Variants in C2 observed in about 807,000 individuals in gnomAD.
The protein encoded by C2 is C3/C5 convertase.
In C2, 64 loss-of-function variants were observed where a neutral mutation model predicts 85.2. The ratio of observed to expected loss-of-function variants is 0.75; its 90% CI spans 0.61 to 0.92. The LOEUF (loss-of-function observed/expected upper bound fraction) is 0.92, where lower values mean the gene tolerates loss of function less well. Ranked by LOEUF, C2 falls within the 40% of genes least tolerant of loss-of-function variation. The pLI is 0.00. For missense variants in C2, 820 were observed against 971.6 expected (o/e 0.84, Z 2.07); for synonymous variants, 311 against 370.8 (o/e 0.84, Z 1.85).
At chr6:31,932,482 G>A (rs1246785072) in intron 3 of C2, 6 of 257,248 alleles carry the variant, frequency 2.3e-5, no homozygotes, top group African/African-American at 4.7e-5. Context: ...CGGATGGGGC[G>A]GCCGGGCAGA....
upstream of C2, among the ~76,000 whole-genome samples, chr6:31,915,992 G>A (rs1768478242): frequency 6.6e-6 from 1 of 152,208 alleles, no homozygotes; most frequent in African/African-American, 2.4e-5. Flanking sequence ...TTAGCAGTTT[G>A]TGCTCCAGGA....
At chr6:31,902,861 C>T (rs1019177405) in intron 1 of C2, among the ~76,000 whole-genome samples, 1 of 152,100 alleles carries the variant, frequency 6.6e-6, no homozygotes, top group African/African-American at 2.4e-5. Flanking sequence ...ATATAATTAA[C>T]CCTAGGACTA....
At chr6:31,929,662 G>A (rs948037232) in intron 3 of C2, among the ~76,000 whole-genome samples, 1 of 144,944 alleles carries the variant, frequency 6.9e-6, no homozygotes, top group Non-Finnish European at 1.5e-5. Context: ...AGATTGCAGT[G>A]AGCCGAGATT....
At chr6:31,900,385 C>T (rs918087397), upstream of C2, 8 of 1,544,512 alleles carry the variant, frequency 5.2e-6, no homozygotes, top group Admixed American at 7.9e-5. The surrounding 1 kb of genome is among the most constrained non-coding windows in gnomAD (Gnocchi z 9.7). Flanking sequence ...GGCTGCCCCC[C>T]GCCCCCCGGG....
chr6:31,924,186 G>A (rs1467921979), upstream of C2, among the ~76,000 whole-genome samples: 4 of 152,314 alleles, frequency 2.6e-5, no homozygotes, highest in Non-Finnish European at 4.4e-5. Context: ...GAAGTTTAAC[G>A]TGTATCCTAA....
Position 31,928,674 on chromosome 6 carries a change from C to T in C2, c.257-58C>T, listed in dbSNP as rs1769465420. On this transcript the variant is annotated intron_variant, in intron 2 of 17. Coordinates refer to ENST00000299367, the MANE Select transcript of C2 (RefSeq NM_000063.6). Reference sequence around the variant, plus strand: ...CAGCATAAAATCACCTGCTTAATCCCCAGCCCAGGTGTTATCCATCCAGTC... The same window carrying T: ...CAGCATAAAATCACCTGCTTAATCCTCAGCCCAGGTGTTATCCATCCAGTC... 4 of 1,557,178 alleles carry T rather than the reference C, an allele frequency of 2.6e-6. No individual in the cohort carries two copies. The Admixed American group carries it at 5.0e-5, about 20-fold the overall frequency.
upstream of C2, chr6:31,897,951 C>A (rs1285713297): frequency 6.4e-5 from 66 of 1,038,534 alleles, no homozygotes; most frequent in Non-Finnish European, 7.5e-5. Context: ...AGGTAACAAG[C>A]GGAGCTTCTG....
Position 31,935,920 on chromosome 6 carries a change from C to T in C2, c.850-3C>T. On this transcript the variant is annotated splice_region_variant and splice_polypyrimidine_tract_variant and intron_variant, in intron 6 of 17. Transcript: ENST00000299367. The surrounding 1 kb of genome is among the most constrained non-coding windows in gnomAD (Gnocchi z 4.3). ...TACGCTGCCTCTCACTTGCCCCGCA[C>T]AGATCTTCAGCTTTGAGATCAATGT... 1 of 1,612,948 alleles carries T rather than the reference C, an allele frequency of 6.2e-7. No individual in the cohort carries two copies. Among genetic ancestry groups the T allele is most frequent in the South Asian group, 1.1e-5 (1 of 91,066 alleles).
At position 31,921,983 on chromosome 6, in the gene C2, C is replaced by A. The variant is rs1769006954; in HGVS notation, c.-100+1957C>A. 6.6e-6 allele frequency among the ~76,000 whole-genome samples: 1 copy of A among 152,050 alleles called. No homozygotes were observed. The highest frequency in any genetic ancestry group is 1.5e-5 in the Non-Finnish European group (1 of 68,016). On this transcript the variant is annotated intron_variant, in intron 1 of 3. Transcript: ENST00000413154. The surrounding 1 kb of genome is among the most constrained non-coding windows in gnomAD (Gnocchi z 4.6). ...AGTGGAGGTCAATCCCACTCAGGAACCCTGGAGTGGTGCAGAGTTATCCCA... is the reference window on the plus strand; with the variant it reads ...AGTGGAGGTCAATCCCACTCAGGAAACCTGGAGTGGTGCAGAGTTATCCCA...
rs145498899 is a variant in C2 at position 31,933,677 on chromosome 6, G to C, written c.510G>C (p.Gly170=). Residue 170 remains glycine, a synonymous_variant, in exon 4 of 18, where the codon GGG becomes GGC. Transcript: ENST00000299367. ...GGACAGGCTTCCGCTTTGGTCATGG[G>C]GACAAGGTCCGCTATCGCTGCTCCT... The part of the protein sequence containing the change: ...AVRTGFRFGH[G]DKVRYRCSSN... The C allele has an allele frequency of 6.2e-7, 1 of 1,613,168 alleles. No individual in the cohort carries two copies. Among genetic ancestry groups the C allele is most frequent in the South Asian group, 1.1e-5 (1 of 91,092 alleles).
In C2 at chr6:31,943,471, C is replaced by T; in HGVS notation, c.1511C>T (p.Thr504Ile). 6.2e-7 allele frequency: 1 copy of T among 1,613,106 alleles called. No individual in the cohort carries two copies. The highest frequency in any genetic ancestry group is 8.5e-7 in the Non-Finnish European group (1 of 1,180,036). Residue 504 changes from threonine (T) to isoleucine (I), a missense_variant, in exon 12 of 18, where the codon ACA becomes ATA. Transcript: ENST00000299367. The surrounding 1 kb of genome is among the most constrained non-coding windows in gnomAD (Gnocchi z 6.4). ...GALISDQWVLTAAHCFRDGND... is the reference protein window; with the variant it reads ...GALISDQWVLIAAHCFRDGND... The stretch of plus-strand genomic sequence containing the variant: ...CTCATCTCCGACCAATGGGTCCTGA[C>T]AGCAGCTCATTGCTTCCGCGATGGC...
At position 31,920,886 on chromosome 6, in the gene C2, G is replaced by T. The variant is rs1407414871; in HGVS notation, c.-100+860G>T. On this transcript the variant is annotated intron_variant, in intron 1 of 3. Coordinates refer to the C2 transcript ENST00000413154. This position sits in a 1 kb window ranked among gnomAD's most constrained non-coding sequence, Gnocchi z 5.6. ...TGGATGGACAAGGACAGGAGGTTCAGTGTCTAACCCAGTGTCTGGGCCTGC... is the reference window on the plus strand; with the variant it reads ...TGGATGGACAAGGACAGGAGGTTCATTGTCTAACCCAGTGTCTGGGCCTGC... Among the ~76,000 whole-genome samples the T allele has an allele frequency of 6.6e-6, 1 of 152,220 alleles. No individual in the cohort carries two copies. Among genetic ancestry groups the T allele is most frequent in the African/African-American group, 2.4e-5 (1 of 41,450 alleles).
rs1162422894 is a variant in C2 at position 31,920,863 on chromosome 6, G to C, written c.-100+837G>C. Among the ~76,000 whole-genome samples, 1 of 152,178 alleles carries C rather than the reference G, an allele frequency of 6.6e-6. No homozygotes were observed. Among genetic ancestry groups the C allele is most frequent in the Non-Finnish European group, 1.5e-5 (1 of 68,030 alleles). ...ATTCTCAGGAATTGTTTGTGCAATG[G>C]ATGGACAAGGACAGGAGGTTCAGTG... is the stretch of plus-strand genomic sequence containing the variant. On this transcript the variant is annotated intron_variant, in intron 1 of 3. Coordinates refer to the C2 transcript ENST00000413154. The surrounding 1 kb of genome is among the most constrained non-coding windows in gnomAD (Gnocchi z 5.6).
upstream of C2, among the ~76,000 whole-genome samples, chr6:31,915,898 A>C (rs922834681): frequency 2.0e-5 from 3 of 152,212 alleles, no homozygotes; most frequent in African/African-American, 4.8e-5. Flanking sequence ...TGGCTGCCTC[A>C]ACTCGGTGTA....
intron 1 of C2, among the ~76,000 whole-genome samples, chr6:31,910,578 G>A (rs1026780679): frequency 1.3e-5 from 2 of 151,956 alleles, no homozygotes; most frequent in African/African-American, 2.4e-5. Flanking sequence ...TATTACATTA[G>A]GATAATGTCT....
At chr6:31,929,762 G>A (rs1769579363) in intron 3 of C2, among the ~76,000 whole-genome samples, 1 of 139,604 alleles carries the variant, frequency 7.2e-6, no homozygotes, top group Admixed American at 7.8e-5. Context: ...GGTGCCTCAC[G>A]CCTGTAATCC....
upstream of C2, among the ~76,000 whole-genome samples, chr6:31,923,578 G>C (rs1317548910): frequency 1.3e-5 from 2 of 151,882 alleles, no homozygotes; most frequent in African/African-American, 4.8e-5. Context: ...CCATCTCCCG[G>C]GTTCACGCCA....
chr6:31,928,445 C>T (rs1261134722), intron 2 of C2, among the ~76,000 whole-genome samples: 12 of 152,072 alleles, frequency 7.9e-5, no homozygotes. Flanking sequence ...GTCCTGGAGT[C>T]CTCTAGACAT....
At chr6:31,902,147 C>T (rs1365730232) in intron 1 of C2, among the ~76,000 whole-genome samples, 2 of 145,132 alleles carry the variant, frequency 1.4e-5, no homozygotes, top group African/African-American at 2.5e-5. Flanking sequence ...TCACCAGCAC[C>T]CCCACGCGGT....
Sources: gnomAD v4.1 joint callset for allele counts (sites outside exome capture counted in the v4.1 genomes callset) on GRCh38, gnomAD v4.1.1 for gene constraint, Gnocchi (gnomAD v3.1) non-coding constraint, MANE v1.5 for transcripts, NCBI Gene and HGNC (gene_info 2026-07-23, HGNC 2026-07-21) for gene names.